Variants in PRELID2 observed in about 807,000 individuals in gnomAD.
PRELID2 encodes PRELI domain containing 2.
In PRELID2, 25 loss-of-function variants were observed where a neutral mutation model predicts 28.4. The ratio of observed to expected loss-of-function variants is 0.88; its 90% CI spans 0.64 to 1.23. PRELID2 has a LOEUF of 1.23. Ranked by LOEUF, PRELID2 falls within the 50% of genes most tolerant of loss-of-function variation. The probability of loss-of-function intolerance (pLI) is 0.00; values close to 1 mark genes in which losing one functional copy is unlikely to be tolerated. For missense variants in PRELID2, 201 were observed against 214.4 expected (o/e 0.94, Z 0.39); for synonymous variants, 76 against 71.6 (o/e 1.06, Z -0.31).
At chr5:145,460,685 T>C in the PRELID2 span, among the ~76,000 whole-genome samples, 1 of 152,332 alleles carries the variant, frequency 6.6e-6, no homozygotes, top group Non-Finnish European at 1.5e-5. Flanking sequence ...ATTTTACAGA[T>C]GAGAAAACTA....
At chr5:145,596,099 C>CAAAAAAAAAAAAAAAAAAAAAAAAAA (rs552746530) in intron 1 of PRELID2, among the ~76,000 whole-genome samples, 2 of 43,964 alleles carry the variant, frequency 4.5e-5, no homozygotes, top group African/African-American at 9.6e-5. Flanking sequence ...GAGCCTGTCT[C>CAAAAAAAAAAAAAAAAAAAAAAAAAA]AAAAAAAAAA....
chr5:145,386,069 AAG>A, the PRELID2 span, among the ~76,000 whole-genome samples: 1 of 152,098 alleles, frequency 6.6e-6, no homozygotes, highest in East Asian at 1.9e-4. Flanking sequence ...TTATAAAGGA[AAG>A]AGGTTTAATT....
chr5:145,255,949 C>T, the PRELID2 span, among the ~76,000 whole-genome samples: 6 of 151,626 alleles, frequency 4.0e-5, no homozygotes, highest in African/African-American at 1.2e-4. Flanking sequence ...ATAGAGATAA[C>T]GGCCAACAAT....
At chr5:145,399,854 A>G in the PRELID2 span, among the ~76,000 whole-genome samples, 2 of 152,176 alleles carry the variant, frequency 1.3e-5, no homozygotes, top group East Asian at 1.9e-4. Flanking sequence ...GAGATTGTTC[A>G]GGGAAATTCC....
intron 4 of PRELID2, among the ~76,000 whole-genome samples, chr5:145,808,784 T>A (rs1753724831): frequency 1.3e-5 from 2 of 151,856 alleles, no homozygotes; most frequent in Admixed American, 1.3e-4. Context: ...ACTCAGAGGC[T>A]GAGGTGGCAG....
downstream of PRELID2, among the ~76,000 whole-genome samples, chr5:145,469,841 C>G (rs991522040): frequency 3.9e-5 from 6 of 152,070 alleles, no homozygotes; most frequent in Non-Finnish European, 7.4e-5. Flanking sequence ...GTTCTGACAT[C>G]TTTGGTATTG....
chr5:145,709,753 T>C (rs1237853124), intron 1 of PRELID2, among the ~76,000 whole-genome samples: 1 of 152,144 alleles, frequency 6.6e-6, no homozygotes, highest in African/African-American at 2.4e-5. Context: ...GCTCAAATAG[T>C]ATGTAGACAG....
At chr5:145,411,509 C>T in the PRELID2 span, among the ~76,000 whole-genome samples, 1 of 152,194 alleles carries the variant, frequency 6.6e-6, no homozygotes, top group Non-Finnish European at 1.5e-5. Context: ...AATTGAGCTC[C>T]CACACCCTTG....
chr5:145,672,938 C>A (rs187263458), intron 1 of PRELID2, among the ~76,000 whole-genome samples: 5 of 152,138 alleles, frequency 3.3e-5, no homozygotes, highest in Admixed American at 3.3e-4. Flanking sequence ...CTATGAAACC[C>A]AGGATAGCAC....
chr5:145,508,105 A>G (rs1029944972), intron 1 of PRELID2, among the ~76,000 whole-genome samples: 2 of 151,904 alleles, frequency 1.3e-5, no homozygotes, highest in Non-Finnish European at 2.9e-5. Context: ...ATAGTATAAG[A>G]AAACAGTCAC....
chr5:145,422,755 T>A, the PRELID2 span, among the ~76,000 whole-genome samples: 1 of 152,076 alleles, frequency 6.6e-6, no homozygotes, highest in African/African-American at 2.4e-5. Context: ...AATATTGTTA[T>A]GTGTGAATTT....
intron 1 of PRELID2, among the ~76,000 whole-genome samples, chr5:145,551,782 C>T (rs1367906663): frequency 6.6e-6 from 1 of 152,064 alleles, no homozygotes; most frequent in Non-Finnish European, 1.5e-5. Flanking sequence ...GCAAAATCAG[C>T]AATACAGAAC....
At chr5:145,574,913 A>G in intron 1 of PRELID2, among the ~76,000 whole-genome samples, 1 of 152,236 alleles carries the variant, frequency 6.6e-6, no homozygotes, top group Admixed American at 6.5e-5. Flanking sequence ...GTACATGTTC[A>G]GCATAGGTGT....
the PRELID2 span, among the ~76,000 whole-genome samples, chr5:145,296,165 T>C: frequency 6.6e-6 from 1 of 151,732 alleles, no homozygotes; most frequent in East Asian, 1.9e-4. Flanking sequence ...TGTAGCAGGT[T>C]TTTTTTGGTT....
At chr5:145,557,213 C>T (rs73309606) in intron 1 of PRELID2, among the ~76,000 whole-genome samples, 1,720 of 152,252 alleles carry the variant, frequency 0.011, 41 homozygotes, top group African/African-American at 0.04. Context: ...TGCTTGACAA[C>T]CAAATTTTTA....
chr5:145,775,746 A>G (rs1758368954), intron 5 of PRELID2, among the ~76,000 whole-genome samples: 3 of 152,246 alleles, frequency 2.0e-5, no homozygotes, highest in African/African-American at 7.2e-5. Context: ...AATGAAGTAC[A>G]AGGTTAGCCA....
At chr5:145,536,436 T>C (rs4443474) in intron 1 of PRELID2, among the ~76,000 whole-genome samples, 28,834 of 151,856 alleles carry the variant, frequency 0.19, 3,600 homozygotes, top group African/African-American at 0.36. Context: ...TTTCACGGAC[T>C]TTGTACAACG....
the PRELID2 span, among the ~76,000 whole-genome samples, chr5:145,428,374 A>G: frequency 1.3e-5 from 2 of 152,108 alleles, no homozygotes; most frequent in Admixed American, 6.6e-5. Flanking sequence ...CTATTTATTC[A>G]TTCATTTATA....
Position 145,799,614 on chromosome 5 carries a change from C to T in PRELID2, c.369-3067G>A, listed in dbSNP as rs932830724. Among the ~76,000 whole-genome samples the T allele has an allele frequency of 2.0e-5, 3 of 152,146 alleles. No homozygotes were observed. The South Asian group carries it at 6.2e-4, about 32-fold the overall frequency. ...GAAGGAAGAGAGATGTCTGAGGAGC[C>T]ACAAGTTATCTAAAAATGCCCAGTA... On this transcript the variant is annotated intron_variant, in intron 4 of 6. Transcript: ENST00000683046.
Sources: allele counts gnomAD v4.1 joint callset (sites outside exome capture counted in the v4.1 genomes callset), GRCh38; gene constraint gnomAD v4.1.1; transcripts MANE v1.5; gene names NCBI Gene and HGNC (gene_info 2026-07-23, HGNC 2026-07-21).